RBM47: variants seen among roughly 807,000 people sequenced by gnomAD.
RBM47 encodes the protein RNA-binding protein 47.
RBM47 carries 21 observed loss-of-function variants against 47.1 expected under a neutral mutation model. The observed-to-expected ratio is 0.45, with a 90% CI of 0.32 to 0.64. RBM47 has a LOEUF of 0.64. Ranked by LOEUF, RBM47 falls within the 30% of genes least tolerant of loss-of-function variation. The probability of loss-of-function intolerance (pLI) is 0.05; values close to 1 mark genes in which losing one functional copy is unlikely to be tolerated. For missense variants in RBM47, 708 were observed against 870.9 expected (o/e 0.81, Z 2.35); for synonymous variants, 375 against 361.7 (o/e 1.04, Z -0.42).
At position 40,478,584 on chromosome 4, in the gene RBM47, T is replaced by C. The variant is rs140676142; in HGVS notation, c.-154-11885A>G. Among the ~76,000 whole-genome samples the C allele has an allele frequency of 3.2e-4, 48 of 152,352 alleles. 1 individual carries two copies. In the East Asian group the frequency reaches 8.9e-3, roughly 28 times the overall value. On this transcript the variant is annotated intron_variant, in intron 2 of 6. Coordinates refer to ENST00000295971, the MANE Select transcript of RBM47 (RefSeq NM_001098634.2). Reference sequence around the variant, plus strand: ...AATGGAGCATAGTAAGACATGATTATGTGGCCTATTTCAGATAGGATCTAT... The same window carrying C: ...AATGGAGCATAGTAAGACATGATTACGTGGCCTATTTCAGATAGGATCTAT...
At chr4:40,517,691 A>G (rs951324359) in intron 2 of RBM47, among the ~76,000 whole-genome samples, 1 of 152,196 alleles carries the variant, frequency 6.6e-6, no homozygotes, top group African/African-American at 2.4e-5. Flanking sequence ...CCATAAATAT[A>G]TATACTACTA....
chr4:40,507,034 G>C (rs1422994877), intron 2 of RBM47, among the ~76,000 whole-genome samples: 1 of 152,168 alleles, frequency 6.6e-6, no homozygotes, highest in Non-Finnish European at 1.5e-5. Context: ...TTGGCTCGCT[G>C]CAACCTCCAG....
intron 2 of RBM47, among the ~76,000 whole-genome samples, chr4:40,471,149 T>C (rs899989725): frequency 3.2e-4 from 48 of 152,226 alleles, no homozygotes; most frequent in African/African-American, 1.1e-3. Context: ...AACTAAGTTC[T>C]AGTTCTCGCT....
chr4:40,528,404 T>A (rs201447379), intron 2 of RBM47, among the ~76,000 whole-genome samples: 1 of 147,616 alleles, frequency 6.8e-6, no homozygotes, highest in Admixed American at 6.7e-5. Flanking sequence ...TGAGGCTTTT[T>A]TAAAAAAAAA....
chr4:40,611,366 A>C (rs6819147), intron 1 of RBM47, among the ~76,000 whole-genome samples: 49,961 of 152,056 alleles, frequency 0.33, 8,846 homozygotes, highest in Middle Eastern at 0.37. Context: ...AATGCCTGAC[A>C]CAGAACCTGT....
At chr4:40,563,458 C>T (rs915669961) in intron 1 of RBM47, among the ~76,000 whole-genome samples, 4 of 152,180 alleles carry the variant, frequency 2.6e-5, no homozygotes, top group Non-Finnish European at 4.4e-5. Context: ...TGACCCATGG[C>T]CCGCATTCTT....
At chr4:40,452,211 G>A (rs1040492423) in intron 3 of RBM47, among the ~76,000 whole-genome samples, 2 of 152,004 alleles carry the variant, frequency 1.3e-5, no homozygotes, top group Non-Finnish European at 2.9e-5. Context: ...CAGAGCAGAG[G>A]GAACATTATG....
intron 3 of RBM47, among the ~76,000 whole-genome samples, chr4:40,462,850 G>A (rs1231389569): frequency 6.6e-6 from 1 of 152,090 alleles, no homozygotes; most frequent in Non-Finnish European, 1.5e-5. Flanking sequence ...TATAAGACTT[G>A]GAAGAAAATA....
intron 2 of RBM47, among the ~76,000 whole-genome samples, chr4:40,488,662 A>G (rs1170958724): frequency 6.6e-6 from 1 of 152,200 alleles, no homozygotes; most frequent in African/African-American, 2.4e-5. Flanking sequence ...CTGGTAGTAC[A>G]TACAGGAGAG....
At chr4:40,471,526 C>T (rs1469196468) in intron 2 of RBM47, among the ~76,000 whole-genome samples, 1 of 151,976 alleles carries the variant, frequency 6.6e-6, no homozygotes, top group Non-Finnish European at 1.5e-5. Context: ...GGTGAAACCC[C>T]ATCTCTACTA....
At chr4:40,457,273 T>C (rs1278684390) in intron 3 of RBM47, among the ~76,000 whole-genome samples, 1 of 149,788 alleles carries the variant, frequency 6.7e-6, no homozygotes, top group African/African-American at 2.5e-5. Flanking sequence ...ATACAAAAAT[T>C]AGCCGGGCGT....
Position 40,535,371 on chromosome 4 carries a change from C to CTTTTTTTTTTTTCTTTTTCTTTT in RBM47, c.-155+9050_-155+9051insAAAAGAAAAAGAAAAAAAAAAAA. ...TTCATACCAGCCTGGTATGGTATTT[C>CTTTTTTTTTTTTCTTTTTCTTTT]TTTTTTTTTTTTTTTTTTTGAGACG... On this transcript the variant is annotated intron_variant, in intron 2 of 6. Transcript: ENST00000295971. Among the ~76,000 whole-genome samples, 2 of 103,460 alleles carry CTTTTTTTTTTTTCTTTTTCTTTT rather than the reference C, an allele frequency of 1.9e-5. 1 individual carries two copies. Among genetic ancestry groups the CTTTTTTTTTTTTCTTTTTCTTTT allele is most frequent in the Admixed American group, 2.1e-4 (2 of 9,324 alleles). The allele number at this position is 103,460 out of a possible 152,430, so 67.9% of individuals were successfully genotyped here. A position where few individuals can be genotyped will look rare whatever the true frequency, so the allele number is the denominator to read the frequency against.
chr4:40,550,592 T>TA (rs1729466429), intron 1 of RBM47, among the ~76,000 whole-genome samples: 1 of 152,134 alleles, frequency 6.6e-6, no homozygotes, highest in African/African-American at 2.4e-5. Flanking sequence ...CTAATTTTTG[T>TA]GTTTTTAGTA....
At chr4:40,544,049 A>G (rs1268614317) in intron 2 of RBM47, 1 of 152,200 alleles carries the variant, frequency 6.6e-6, no homozygotes, top group Non-Finnish European at 1.5e-5. Flanking sequence ...AATTTCAGAC[A>G]TGTTAAATTG....
intron 3 of RBM47, among the ~76,000 whole-genome samples, chr4:40,466,285 A>G (rs1718016169): frequency 1.5e-5 from 2 of 135,562 alleles, no homozygotes; most frequent in African/African-American, 2.7e-5. Flanking sequence ...AAAAAAAAAA[A>G]GAAAGAAAGA....
At position 40,600,582 on chromosome 4, in the gene RBM47, G is replaced by C. The variant is rs964439560; in HGVS notation, c.-240+28814C>G. ...CCGGGAGGCGGAGCTTGCAGTGAGC[G>C]GAGATCGCTCCACTGCACTCCAGCC... On this transcript the variant is annotated intron_variant, in intron 1 of 6. Transcript: ENST00000295971. Among the ~76,000 whole-genome samples, 10 of 149,026 alleles carry C rather than the reference G, an allele frequency of 6.7e-5. No homozygotes were observed. The East Asian group carries it at 1.5e-3, about 22-fold the overall frequency.
intron 2 of RBM47, among the ~76,000 whole-genome samples, chr4:40,501,055 A>C (rs1723288468): frequency 6.6e-6 from 1 of 152,130 alleles, no homozygotes; most frequent in Non-Finnish European, 1.5e-5. Context: ...AAAAAAAAAA[A>C]CAAAACAGCA....
chr4:40,599,814 T>TA (rs1391110067), intron 1 of RBM47, among the ~76,000 whole-genome samples: 3 of 152,008 alleles, frequency 2.0e-5, no homozygotes, highest in Non-Finnish European at 4.4e-5. Context: ...AATGCACATG[T>TA]AGCAGAATCT....
chr4:40,595,012 A>G (rs995111964), intron 1 of RBM47, among the ~76,000 whole-genome samples: 2 of 152,114 alleles, frequency 1.3e-5, no homozygotes, highest in Non-Finnish European at 2.9e-5. Flanking sequence ...TTGCTAAGAG[A>G]GCTCCAAGGT....
Sources: gnomAD v4.1 joint callset for allele counts (sites outside exome capture counted in the v4.1 genomes callset) on GRCh38, gnomAD v4.1.1 for gene constraint, MANE v1.5 for transcripts, NCBI Gene and HGNC (gene_info 2026-07-23, HGNC 2026-07-21) for gene names.